The following PAX8 variants were observed in gnomAD, a reference collection of about 807,000 sequenced individuals.
PAX8 encodes the protein paired box protein Pax-8.
PAX8 carries 15 observed loss-of-function variants against 52.4 expected under a neutral mutation model. The observed-to-expected ratio is 0.29, with a 90% confidence interval of 0.19 to 0.44. The LOEUF (loss-of-function observed/expected upper bound fraction) is 0.44. Among genes scored for constraint, PAX8 ranks in the 20% least tolerant of loss-of-function variants. PAX8 has a pLI of 1.00. For missense variants in PAX8, 554 were observed against 602.5 expected (o/e 0.92, Z 0.84); for synonymous variants, 284 against 249.7 (o/e 1.14, Z -1.29).
At position 113,227,767 on chromosome 2, in the gene PAX8, T is replaced by G. The variant is rs534563693; in HGVS notation, c.1088-511A>C. Among the ~76,000 whole-genome samples, 95 of 152,210 alleles carry G rather than the reference T, an allele frequency of 6.2e-4. No individual in the cohort carries two copies. In the Middle Eastern group the frequency reaches 0.014, roughly 22 times the overall value. On this transcript the variant is annotated intron_variant, in intron 9 of 11. Coordinates refer to ENST00000429538, the MANE Select transcript of PAX8 (RefSeq NM_003466.4). ...GGGCCACTAACTCATCACTATTTTT[T>G]GGGGGGCCTGTGACAGACATTGCTA...
Position 113,216,012 on chromosome 2 carries a change from C to T in PAX8, c.*2521G>A, listed in dbSNP as rs1423392262. ...TAAACCATGGTCACCTTAGTCAAAG[C>T]ACAGCCCAAGCCCCTTTATTGGTTG... On this transcript the variant is annotated 3_prime_UTR_variant, in exon 12 of 12. Coordinates refer to ENST00000429538, the MANE Select transcript of PAX8 (RefSeq NM_003466.4). 1.4e-5 allele frequency: 3 copies of T among 212,190 alleles called. No homozygotes were observed. Among genetic ancestry groups the T allele is most frequent in the Non-Finnish European group, 2.9e-5 (3 of 104,758 alleles). 13.1% of individuals were successfully genotyped at this position (212,190 alleles called of 1,614,324 possible). A position where few individuals can be genotyped will look rare whatever the true frequency, so the allele number is the denominator to read the frequency against.
rs144113497 is a variant in PAX8 at position 113,218,243 on chromosome 2, C to T, written c.*290G>A. ...GCTTCTTCTCTCCTTTGGTGGGTACCGGCTGGGGGCTACATTTCTTCTTCA... is the reference window on the plus strand; with the variant it reads ...GCTTCTTCTCTCCTTTGGTGGGTACTGGCTGGGGGCTACATTTCTTCTTCA... On this transcript the variant is annotated 3_prime_UTR_variant, in exon 12 of 12. Transcript: ENST00000429538. 3,647 of 349,100 alleles carry T rather than the reference C, an allele frequency of 0.01. 34 individuals carry two copies. Among genetic ancestry groups the T allele is most frequent in the Non-Finnish European group, 0.016 (3,039 of 193,726 alleles). The allele number at this position is 349,100 out of a possible 1,614,324, so 21.6% of individuals were successfully genotyped here. A position where few individuals can be genotyped will look rare whatever the true frequency, so the allele number is the denominator to read the frequency against.
chr2:113,219,397 G>T (rs1215588094), intron 11 of PAX8, among the ~76,000 whole-genome samples: 1 of 152,120 alleles, frequency 6.6e-6, no homozygotes, highest in Non-Finnish European at 1.5e-5. Context: ...GCTCTAGTGG[G>T]ATCCCTCAAG....
In PAX8 at chr2:113,241,594, T is replaced by C. The variant is rs1573458787; in HGVS notation, c.734A>G (p.Tyr245Cys). ...GCTGGGGGAGGCATAGGCCTCTGGG[T>C]AGTGCTGCCGCTCAAATGGGCACTC... ...PLECPFERQH[Y>C]PEAYASPSHT... The change falls in exon 7 of 12, where the codon TAC becomes TGC. Residue 245 changes from tyrosine (Y) to cysteine (C), a missense_variant. Physicochemically the swap from Tyr to Cys is radical, Grantham distance 194. Transcript: ENST00000429538. 1 of 1,610,586 alleles carries C rather than the reference T, an allele frequency of 6.2e-7. No individual in the cohort carries two copies. The highest frequency in any genetic ancestry group is 8.5e-7 in the Non-Finnish European group (1 of 1,179,214).
chr2:113,240,745 A>G (rs912775451), intron 7 of PAX8: 5 of 152,694 alleles, frequency 3.3e-5, no homozygotes, highest in African/African-American at 1.2e-4. Flanking sequence ...TCATTTGTTC[A>G]TTCATTCACT....
At chr2:113,264,765 T>A (rs1422783589) in intron 2 of PAX8, among the ~76,000 whole-genome samples, 1 of 151,910 alleles carries the variant, frequency 6.6e-6, no homozygotes, top group Non-Finnish European at 1.5e-5. Context: ...AGGTAAAGGG[T>A]GTCTAAAAAG....
chr2:113,236,686 C>T lies in PAX8; in HGVS notation c.813G>A (p.Leu271=). 6.3e-7 allele frequency: 1 copy of T among 1,585,966 alleles called. No individual in the cohort carries two copies. Among genetic ancestry groups the T allele is most frequent in the Non-Finnish European group, 8.6e-7 (1 of 1,166,524 alleles). ...LYPLPLLNST[L]DDGKATLTPS... ...GGGTCAGGGTGGCCTTCCCGTCGTC[C>T]AGGGTGCTGTTGAGCAAGGGCAGCG... The change falls in exon 8 of 12, where the codon CTG becomes CTA. Residue 271 remains leucine (L), a synonymous_variant. Coordinates refer to ENST00000429538, the MANE Select transcript of PAX8 (RefSeq NM_003466.4).
chr2:113,257,124 A>C (rs6726151), intron 2 of PAX8, among the ~76,000 whole-genome samples: 77,789 of 151,956 alleles, frequency 0.51, 20,226 homozygotes, highest in African/African-American at 0.6. Flanking sequence ...AATGGCAAAG[A>C]TCCCCCACCC....
intron 10 of PAX8, among the ~76,000 whole-genome samples, chr2:113,223,546 G>C (rs1689380640): frequency 6.6e-6 from 1 of 152,146 alleles, no homozygotes; most frequent in Admixed American, 6.5e-5. Flanking sequence ...TGCTAAACTA[G>C]TTCCTGCCTT....
Position 113,278,863 on chromosome 2 carries a change from G to T in PAX8, c.-108C>A. 9.4e-7 allele frequency: 1 copy of T among 1,061,436 alleles called. No homozygotes were observed. Among genetic ancestry groups the T allele is most frequent in the South Asian group, 4.3e-5 (1 of 23,072 alleles). The allele number at this position is 1,061,436 out of a possible 1,614,324, so 65.8% of individuals were successfully genotyped here. On this transcript the variant is annotated 5_prime_UTR_variant, in exon 1 of 12. Coordinates refer to ENST00000429538, the MANE Select transcript of PAX8 (RefSeq NM_003466.4). ...GCCGGCTGCAGGCCCTCACTGCTTG[G>T]GTCCGCCCGCGAGGGTGCCCTGGGC...
rs1573393871 is a variant in PAX8 at position 113,218,336 on chromosome 2, G to A, written c.*197C>T. On this transcript the variant is annotated 3_prime_UTR_variant, in exon 12 of 12. Coordinates refer to ENST00000429538, the MANE Select transcript of PAX8 (RefSeq NM_003466.4). ...CTCCTGCCCCTCATTAAGGAGTCTT[G>A]GAGGACAGTTTGGCCTTGTCCAAGG... The A allele has an allele frequency of 4.7e-6, 2 of 426,616 alleles. No homozygotes were observed. 26.4% of individuals were successfully genotyped at this position (426,616 alleles called of 1,614,324 possible).
intron 9 of PAX8, 82 bp from the exon 10 acceptor site, chr2:113,227,338 C>T: frequency 8.6e-7 from 1 of 1,157,410 alleles, no homozygotes; most frequent in Non-Finnish European, 1.3e-6. Context: ...GGCTGTCTTC[C>T]TCCATGCCAT....
chr2:113,246,842 C>T lies in PAX8; in HGVS notation c.103G>A (p.Val35Ile), dbSNP rs868015719. 5.0e-6 allele frequency: 8 copies of T among 1,614,120 alleles called. No individual in the cohort carries two copies. Among genetic ancestry groups the T allele is most frequent in the Middle Eastern group, 1.6e-4 (1 of 6,084 alleles). ...PLPEVVRQRI[V>I]DLAHQGVRPC... Reference sequence around the variant, plus strand: ...CTTACACCCTGGTGGGCCAGGTCTACGATGCGCTGGCGGACCACTTCCGGC... The same window carrying T: ...CTTACACCCTGGTGGGCCAGGTCTATGATGCGCTGGCGGACCACTTCCGGC... The change falls in exon 3 of 12, where the codon GTA (valine) becomes ATA (isoleucine). Residue 35 changes from valine to isoleucine, a missense_variant. Physicochemically the swap from Val to Ile is conservative, Grantham distance 29 (BLOSUM62 3). Transcript: ENST00000429538.
At position 113,241,993 on chromosome 2, in the gene PAX8, T is replaced by C. The variant is rs1487987729; in HGVS notation, c.601+15A>G. The C allele has an allele frequency of 2.5e-6, 4 of 1,613,168 alleles. No homozygotes were observed. The highest frequency in any genetic ancestry group is 3.3e-5 in the Admixed American group (2 of 59,902). ...TCTCGTGCACCGCCCGCTGCCCTCC[T>C]GTCCCAGCACTCACTGTCATCCATT... On this transcript the variant is annotated intron_variant, in intron 6 of 11. Coordinates refer to ENST00000429538, the MANE Select transcript of PAX8 (RefSeq NM_003466.4).
At chr2:113,251,667 A>T (rs1350857903) in intron 2 of PAX8, among the ~76,000 whole-genome samples, 1 of 152,198 alleles carries the variant, frequency 6.6e-6, no homozygotes, top group Admixed American at 6.5e-5. Flanking sequence ...CCATTCAGGG[A>T]GGTCTTAGGA....
At chr2:113,226,308 C>G in intron 10 of PAX8, 1 of 985,522 alleles carries the variant, frequency 1.0e-6, no homozygotes, top group Non-Finnish European at 1.2e-6. Context: ...GTTCAGAGCT[C>G]TTTCCAGAAA....
chr2:113,241,636 T>C lies in PAX8; in HGVS notation c.692A>G (p.His231Arg), dbSNP rs773653889. ...TGGGCACTCGAGCGGCTCGAGGTGG[T>C]GCTGGCTGAAGGCATCCGTGCGAAG... ...KHLRTDAFSQ[H>R]HLEPLECPFE... is the part of the protein sequence containing the mutation. The change falls in exon 7 of 12, where the codon CAC becomes CGC. Residue 231 changes from histidine (H) to arginine (R), a missense_variant. His to Arg is a conservative substitution (Grantham distance 29). Coordinates refer to ENST00000429538, the MANE Select transcript of PAX8 (RefSeq NM_003466.4). The C allele has an allele frequency of 6.2e-7, 1 of 1,613,866 alleles. No individual in the cohort carries two copies. Among genetic ancestry groups the C allele is most frequent in the South Asian group, 1.1e-5 (1 of 91,078 alleles).
intron 10 of PAX8, among the ~76,000 whole-genome samples, chr2:113,224,413 G>T (rs918896942): frequency 6.6e-6 from 1 of 152,002 alleles, no homozygotes; most frequent in Non-Finnish European, 1.5e-5. Context: ...CAGGTGTGGT[G>T]GTGGGTCCCT....
chr2:113,230,156 C>T (rs750765896), intron 9 of PAX8, among the ~76,000 whole-genome samples: 1 of 152,176 alleles, frequency 6.6e-6, no homozygotes, highest in African/African-American at 2.4e-5. Context: ...CTGCCATGAT[C>T]GGGGTGGGGA....
Sources: gnomAD v4.1 joint callset for allele counts (sites outside exome capture counted in the v4.1 genomes callset) on GRCh38, gnomAD v4.1.1 for gene constraint, MANE v1.5 for transcripts, NCBI Gene and HGNC (gene_info 2026-07-23, HGNC 2026-07-21) for gene names.